Variants in ADARB2 observed in about 807,000 individuals in gnomAD.
The protein encoded by ADARB2 is adenosine deaminase RNA specific B2 (inactive).
In ADARB2, 25 loss-of-function variants were observed where a neutral mutation model predicts 62.2. That is an observed-to-expected ratio of 0.40 (90% CI 0.29 to 0.56). The LOEUF (loss-of-function observed/expected upper bound fraction) is 0.56. Among genes scored for constraint, ADARB2 ranks in the 20% least tolerant of loss-of-function variants. The probability of loss-of-function intolerance (pLI) is 0.43; values close to 1 mark genes in which losing one functional copy is unlikely to be tolerated. For synonymous variants in ADARB2, 572 were observed against 500.8 expected (o/e 1.14, Z -1.90); for missense variants, 1,071 against 1,077.4 (o/e 0.99, Z 0.08).
intron 1 of ADARB2, among the ~76,000 whole-genome samples, chr10:1,507,274 A>G (rs1432516306): frequency 6.6e-6 from 1 of 152,194 alleles, no homozygotes; most frequent in Admixed American, 6.5e-5. Flanking sequence ...CTGGCTGTAG[A>G]AGAGGAGCTC....
At chr10:1,600,587 A>G (rs1330970530) in intron 1 of ADARB2, among the ~76,000 whole-genome samples, 2 of 139,822 alleles carry the variant, frequency 1.4e-5, no homozygotes, top group Non-Finnish European at 3.0e-5. Context: ...ACTTGAACTC[A>G]GGAGGCGGAG....
In ADARB2 at chr10:1,533,643, C is replaced by T. The variant is rs531991782; in HGVS notation, c.101-154483G>A. Among the ~76,000 whole-genome samples the T allele has an allele frequency of 1.6e-3, 248 of 152,244 alleles. 1 individual carries two copies. Among genetic ancestry groups the T allele is most frequent in the Non-Finnish European group, 2.7e-3 (187 of 68,020 alleles). On this transcript the variant is annotated intron_variant, in intron 1 of 9. Transcript: ENST00000381312. ...ACAAAAGATGCTGCCCTTGGGAATA[C>T]CAGGATGAGTTAATGATTTCTGAGC... is the stretch of plus-strand genomic sequence containing the variant.
At chr10:1,642,759 ACACTCACACTCCCTCACTCACACACC>A (rs1833993752) in intron 1 of ADARB2, among the ~76,000 whole-genome samples, 1 of 151,860 alleles carries the variant, frequency 6.6e-6, no homozygotes, top group African/African-American at 2.4e-5. Flanking sequence ...ACATGCACAC[ACACTCACACTCCCTCACTCACACACC>A]CACTCACACT....
At chr10:1,720,030 C>A (rs1835070798) in intron 1 of ADARB2, among the ~76,000 whole-genome samples, 1 of 152,166 alleles carries the variant, frequency 6.6e-6, no homozygotes, top group Non-Finnish European at 1.5e-5. Context: ...GGGGTATACC[C>A]ACCCCCCACC....
chr10:1,586,386 A>G (rs1183017451), intron 1 of ADARB2, among the ~76,000 whole-genome samples: 1 of 152,228 alleles, frequency 6.6e-6, no homozygotes, highest in Admixed American at 6.5e-5. Context: ...CCAGAAGATG[A>G]GGCACCTGAG....
intron 1 of ADARB2, among the ~76,000 whole-genome samples, chr10:1,381,178 AC>A (rs1832479704): frequency 6.7e-6 from 1 of 149,882 alleles, no homozygotes; most frequent in Admixed American, 6.7e-5. Context: ...GCATATACAC[AC>A]ACACACACAC....
intron 7 of ADARB2, among the ~76,000 whole-genome samples, chr10:1,207,364 C>CT (rs1478588494): frequency 1.3e-5 from 2 of 152,148 alleles, no homozygotes; most frequent in Non-Finnish European, 2.9e-5. Context: ...CAATTTTACT[C>CT]TTTTAAAAGG....
At chr10:1,266,895 G>A (rs1277675233) in intron 4 of ADARB2, among the ~76,000 whole-genome samples, 2 of 152,148 alleles carry the variant, frequency 1.3e-5, no homozygotes, top group African/African-American at 2.4e-5. Context: ...CAAAAATTAG[G>A]AGGGAAAGGC....
At chr10:1,280,378 C>T (rs1395040964) in intron 3 of ADARB2, among the ~76,000 whole-genome samples, 1 of 152,188 alleles carries the variant, frequency 6.6e-6, no homozygotes, top group Non-Finnish European at 1.5e-5. Context: ...GCTCTCTGCC[C>T]CTCATAGGCT....
chr10:1,268,824 A>C (rs1831231946), intron 4 of ADARB2, among the ~76,000 whole-genome samples: 1 of 152,228 alleles, frequency 6.6e-6, no homozygotes. Context: ...AGTAAATTTA[A>C]TTCATATAGA....
chr10:1,580,909 G>A (rs1038647815), intron 1 of ADARB2, among the ~76,000 whole-genome samples: 2 of 152,194 alleles, frequency 1.3e-5, no homozygotes, highest in African/African-American at 2.4e-5. Context: ...TGGCTTGATC[G>A]CTCATTTCTC....
chr10:1,336,900 C>T (rs757015756), intron 3 of ADARB2, among the ~76,000 whole-genome samples: 1 of 152,124 alleles, frequency 6.6e-6, no homozygotes, highest in Non-Finnish European at 1.5e-5. Flanking sequence ...CCCTCTGCTC[C>T]GATTCCTGAC....
intron 3 of ADARB2, among the ~76,000 whole-genome samples, chr10:1,297,144 G>C (rs939624784): frequency 6.6e-6 from 1 of 152,220 alleles, no homozygotes. Flanking sequence ...TTGCAGATGT[G>C]ATTAGTAAAG....
At chr10:1,659,343 C>A (rs1031506124) in intron 1 of ADARB2, among the ~76,000 whole-genome samples, 1 of 152,206 alleles carries the variant, frequency 6.6e-6, no homozygotes, top group Non-Finnish European at 1.5e-5. Context: ...CTGCTCACAT[C>A]CCCGTCCTGT....
intron 3 of ADARB2, among the ~76,000 whole-genome samples, chr10:1,326,776 C>CCTCCCCACGGCACAGCG (rs1564257738): frequency 4.1e-5 from 3 of 73,960 alleles, no homozygotes; most frequent in East Asian, 4.2e-4. Context: ...GTAGCACAGC[C>CCTCCCCACGGCACAGCG]CCTCCTCACT....
At chr10:1,352,074 A>G (rs903361227) in intron 3 of ADARB2, among the ~76,000 whole-genome samples, 1 of 151,742 alleles carries the variant, frequency 6.6e-6, no homozygotes, top group African/African-American at 2.4e-5. Context: ...GGCTCAGCAA[A>G]TTACCTGGGC....
intron 1 of ADARB2, among the ~76,000 whole-genome samples, chr10:1,434,334 CA>C: frequency 6.6e-6 from 1 of 152,320 alleles, no homozygotes; most frequent in Non-Finnish European, 1.5e-5. Flanking sequence ...GTCTGGCCCT[CA>C]CTCTCCAAGG....
At chr10:1,513,404 G>A (rs548262849) in intron 1 of ADARB2, among the ~76,000 whole-genome samples, 2 of 152,188 alleles carry the variant, frequency 1.3e-5, no homozygotes, top group Non-Finnish European at 2.9e-5. Context: ...CCCTGCAGCC[G>A]ACTCTGGCAG....
intron 1 of ADARB2, among the ~76,000 whole-genome samples, chr10:1,467,810 T>C (rs925502793): frequency 1.3e-5 from 2 of 152,182 alleles, no homozygotes; most frequent in South Asian, 4.1e-4. Flanking sequence ...TGCTTTTGAG[T>C]CGAACACATT....
Sources: gnomAD v4.1 joint callset for allele counts (sites outside exome capture counted in the v4.1 genomes callset) on GRCh38, gnomAD v4.1.1 for gene constraint, MANE v1.5 for transcripts, NCBI Gene and HGNC (gene_info 2026-07-23, HGNC 2026-07-21) for gene names.